DPP8: variants seen among roughly 807,000 people sequenced by gnomAD.
The protein encoded by DPP8 is DPP VIII.
In DPP8, 31 loss-of-function variants were observed where a neutral mutation model predicts 107.5. The ratio of observed to expected loss-of-function variants is 0.29; its 90% CI spans 0.22 to 0.39. The LOEUF (loss-of-function observed/expected upper bound fraction) is 0.39. DPP8 is among the 10% of genes least tolerant of loss of function. The pLI, the probability that DPP8 is intolerant of heterozygous loss-of-function variation, is 1.00. For missense variants in DPP8, 842 were observed against 1,076.1 expected, an observed-to-expected ratio of 0.78 and a Z score of 3.04; for synonymous variants, 381 against 356.6, an observed-to-expected ratio of 1.07 and a Z score of -0.77.
chr15:65,480,202 A>G lies in DPP8; in HGVS notation c.1296+20T>C, dbSNP rs2140735831. 1.9e-6 allele frequency: 3 copies of G among 1,590,786 alleles called. No homozygotes were observed. Among genetic ancestry groups the G allele is most frequent in the Non-Finnish European group, 2.6e-6 (3 of 1,167,680 alleles). On this transcript the variant is annotated intron_variant, in intron 10 of 19. Coordinates refer to ENST00000300141, the MANE Select transcript of DPP8 (RefSeq NM_130434.5). ...GCATTCTGAGAAAATATTTAAACAA[A>G]TACAGGAAAAAATGCATACATTTAT...
chr15:65,500,245 C>T (rs1353239432), intron 4 of DPP8, among the ~76,000 whole-genome samples: 1 of 151,888 alleles, frequency 6.6e-6, no homozygotes, highest in Non-Finnish European at 1.5e-5. Context: ...ATGGAGATAC[C>T]CCATCGCTAC....
intron 15 of DPP8, among the ~76,000 whole-genome samples, chr15:65,462,060 C>G (rs1416071351): frequency 6.6e-6 from 1 of 152,192 alleles, no homozygotes; most frequent in Non-Finnish European, 1.5e-5. Flanking sequence ...CCTCCACCTC[C>G]CAGGTTCGAG....
chr15:65,448,878 AT>A (rs1235776356), intron 19 of DPP8, among the ~76,000 whole-genome samples: 956 of 17,098 alleles, frequency 0.056, 103 homozygotes, highest in African/African-American at 0.12. Context: ...ATATATATAT[AT>A]ATATATATAT....
chr15:65,482,788 A>G (rs2140784896), intron 8 of DPP8, among the ~76,000 whole-genome samples: 1 of 152,252 alleles, frequency 6.6e-6, no homozygotes, highest in Middle Eastern at 3.4e-3. Context: ...CAAAACCACA[A>G]TGAGATACCA....
At chr15:65,501,999 C>T (rs982831232) in intron 3 of DPP8, among the ~76,000 whole-genome samples, 17 of 152,156 alleles carry the variant, frequency 1.1e-4, no homozygotes, top group African/African-American at 3.6e-4. Flanking sequence ...AGGTGATTCT[C>T]ATGCCTCAGC....
In DPP8 at chr15:65,495,058, T is replaced by C. The variant is rs112531378; in HGVS notation, c.715+2806A>G. Among the ~76,000 whole-genome samples, 760 of 152,306 alleles carry C rather than the reference T, an allele frequency of 5.0e-3. 2 individuals are homozygous for C. The highest frequency in any genetic ancestry group is 0.017 in the African/African-American group (722 of 41,568). On this transcript the variant is annotated intron_variant, in intron 5 of 19. Coordinates refer to ENST00000300141, the MANE Select transcript of DPP8 (RefSeq NM_130434.5). ...AGTCCATGTTCTTTTACAGAAGATATGGTCTACCCTTGTCCTGGCCCTTAT... is the reference window on the plus strand; with the variant it reads ...AGTCCATGTTCTTTTACAGAAGATACGGTCTACCCTTGTCCTGGCCCTTAT...
At chr15:65,469,874 A>G (rs143320245) in intron 12 of DPP8, among the ~76,000 whole-genome samples, 12 of 151,904 alleles carry the variant, frequency 7.9e-5, no homozygotes, top group Non-Finnish European at 1.6e-4. Context: ...AAAGTCTTAA[A>G]GCTTTACCCA....
intron 2 of DPP8, among the ~76,000 whole-genome samples, chr15:65,510,408 T>C (rs1035901923): frequency 1.3e-5 from 2 of 151,848 alleles, no homozygotes; most frequent in African/African-American, 4.8e-5. Flanking sequence ...AGGCTTCAAA[T>C]CATTAAGAAA....
At chr15:65,466,379 C>A (rs2065351369) in intron 14 of DPP8, among the ~76,000 whole-genome samples, 1 of 152,146 alleles carries the variant, frequency 6.6e-6, no homozygotes, top group Non-Finnish European at 1.5e-5. Flanking sequence ...CTCAAGTGAT[C>A]CACCCGCCTT....
At chr15:65,457,182 C>G (rs552373162) in intron 15 of DPP8, among the ~76,000 whole-genome samples, 4 of 152,188 alleles carry the variant, frequency 2.6e-5, no homozygotes, top group Middle Eastern at 3.4e-3. Flanking sequence ...TGGCGAAACC[C>G]CGTCTCTACC....
chr15:65,479,567 G>A (rs993275703), intron 10 of DPP8, among the ~76,000 whole-genome samples: 13 of 152,186 alleles, frequency 8.5e-5, no homozygotes, highest in African/African-American at 2.9e-4. Context: ...TATATTGGCC[G>A]GGTGCGGTGG....
At chr15:65,499,079 G>GTC (rs1232770866) in intron 4 of DPP8, among the ~76,000 whole-genome samples, 1 of 101,090 alleles carries the variant, frequency 9.9e-6, no homozygotes, top group Non-Finnish European at 2.1e-5. Context: ...AAGTGTGTGT[G>GTC]TGTGTGTGTG....
intron 11 of DPP8, 143 bp from the exon 12 acceptor site, chr15:65,474,431 G>T: frequency 1.6e-6 from 1 of 626,276 alleles, no homozygotes; most frequent in Non-Finnish European, 2.8e-6. Context: ...CAGAGATGAT[G>T]GTTGCACAGC....
rs114366373 is a variant in DPP8 at position 65,513,541 on chromosome 15, A to G, written c.-11-977T>C. On this transcript the variant is annotated intron_variant, in intron 1 of 19. Transcript: ENST00000300141. ...GACTCTGTATTTTAAGGAAATTTACATGACTATTCTTACCAATCATACAAC... is the reference window on the plus strand; with the variant it reads ...GACTCTGTATTTTAAGGAAATTTACGTGACTATTCTTACCAATCATACAAC... Among the ~76,000 whole-genome samples, 46 of 152,336 alleles carry G rather than the reference A, an allele frequency of 3.0e-4. 1 individual carries two copies. The highest frequency in any genetic ancestry group is 8.2e-4 in the African/African-American group (34 of 41,592).
At chr15:65,447,061 T>G in intron 19 of DPP8, 55 bp from the exon 20 acceptor site, 1 of 1,384,376 alleles carries the variant, frequency 7.2e-7, no homozygotes, top group Non-Finnish European at 9.8e-7. Flanking sequence ...TAGTAATACA[T>G]CTTCTTCCAA....
intron 1 of DPP8, chr15:65,517,160 A>T (rs2071550293): frequency 6.6e-6 from 1 of 152,292 alleles, no homozygotes; most frequent in African/African-American, 2.4e-5. Flanking sequence ...AGCGCTGACA[A>T]TACCCGGCCT....
chr15:65,454,343 C>G lies in DPP8; in HGVS notation c.2191G>C (p.Asp731His), dbSNP rs1567139245. 1 of 1,605,836 alleles carries G rather than the reference C, an allele frequency of 6.2e-7. No individual in the cohort carries two copies. Among genetic ancestry groups the G allele is most frequent in the East Asian group, 2.3e-5 (1 of 44,192 alleles). The change falls in exon 17 of 20, where the codon GAT becomes CAT. Residue 731 changes from aspartate (D) to histidine (H), a missense_variant. This residue lies in a region of DPP8 where 179 missense variants were observed against 318.0 expected (regional missense o/e 0.56). Transcript: ENST00000300141. ...LASRYDFIDL[D>H]RVGIHGWSYG... is the part of the protein sequence containing the mutation. Reference sequence around the variant, plus strand: ...GACCAGCCGTGGATGCCCACACGATCTAAGTCAATGAAATCATATCGAGAA... The same window carrying G: ...GACCAGCCGTGGATGCCCACACGATGTAAGTCAATGAAATCATATCGAGAA...
intron 17 of DPP8, among the ~76,000 whole-genome samples, chr15:65,452,746 C>CAT (rs2064081763): frequency 1.3e-5 from 2 of 151,800 alleles, no homozygotes; most frequent in Non-Finnish European, 2.9e-5. Flanking sequence ...CTGAGGCGGG[C>CAT]GGATCACCCA....
chr15:65,516,995 G>A (rs1449362566), intron 1 of DPP8: 3 of 152,710 alleles, frequency 2.0e-5, no homozygotes, highest in South Asian at 2.1e-4. Context: ...AATGGGAGAG[G>A]GCAGTGAGCA....
Sources: allele counts gnomAD v4.1 joint callset (sites outside exome capture counted in the v4.1 genomes callset), GRCh38; gene constraint gnomAD v4.1.1; regional missense constraint gnomAD v4.1.1; transcripts MANE v1.5; gene names NCBI Gene and HGNC (gene_info 2026-07-23, HGNC 2026-07-21).